The following CHMP6 variants were observed in gnomAD, a reference collection of about 807,000 sequenced individuals.
CHMP6 encodes chromatin-modifying protein 6.
A neutral mutation model predicts 32.8 loss-of-function variants in CHMP6; 10 were observed. The observed-to-expected ratio is 0.30, with a 90% CI of 0.19 to 0.52. The LOEUF is 0.52. Among genes scored for constraint, CHMP6 ranks in the 20% least tolerant of loss-of-function variants. The pLI is 0.97. For synonymous variants in CHMP6, 123 were observed against 105.8 expected (o/e 1.16, Z -1.00); for missense variants, 269 against 263.8 (o/e 1.02, Z -0.14).
rs111744369 is a variant in CHMP6 at position 80,995,632 on chromosome 17, G to A, written c.262-40G>A. 1.5e-4 allele frequency: 239 copies of A among 1,591,932 alleles called. No individual in the cohort carries two copies. The African/African-American group carries it at 1.7e-3, about 11-fold the overall frequency. Reference sequence around the variant, plus strand: ...CCCAGGGCCGGGAGGAGGGCACCCCGGATCCTCAGCACCTGCGTCTGCTCT... The same window carrying A: ...CCCAGGGCCGGGAGGAGGGCACCCCAGATCCTCAGCACCTGCGTCTGCTCT... On this transcript the variant is annotated intron_variant, in intron 3 of 7. Transcript: ENST00000325167.
chr17:80,994,702 C>T lies in CHMP6; in HGVS notation c.173+12C>T, dbSNP rs761750357. 21 of 1,548,670 alleles carry T rather than the reference C, an allele frequency of 1.4e-5. No homozygotes were observed. In the South Asian group the frequency reaches 2.4e-4, roughly 18 times the overall value. The stretch of plus-strand genomic sequence containing the variant: ...GACGGCAGGAAGGAGTGAGTGGGGC[C>T]CGGGCAGCGTGGGCACCCTGTCGGC... On this transcript the variant is annotated intron_variant, in intron 2 of 7. Transcript: ENST00000325167.
chr17:80,994,952 C>A, intron 2 of CHMP6, 67 bp from the exon 3 acceptor site: 3 of 1,327,442 alleles, frequency 2.3e-6, no homozygotes, highest in Non-Finnish European at 3.1e-6. Flanking sequence ...AGCGTGGGCA[C>A]CCTGTCGGCT....
At chr17:80,992,709 AAGTT>A (rs1355730515) in intron 1 of CHMP6, among the ~76,000 whole-genome samples, 3 of 152,156 alleles carry the variant, frequency 2.0e-5, no homozygotes, top group African/African-American at 7.2e-5. Flanking sequence ...TCCCATGTGA[AAGTT>A]AGCTTCTGTA....
intron 4 of CHMP6, among the ~76,000 whole-genome samples, 193 bp from the exon 5 acceptor site, chr17:80,996,814 T>C (rs1364868273): frequency 1.3e-5 from 2 of 152,142 alleles, no homozygotes; most frequent in Non-Finnish European, 2.9e-5. Context: ...TGTGGTGGCA[T>C]GCACCTGTAG....
In CHMP6 at chr17:80,999,131, C is replaced by A; in HGVS notation, c.584C>A (p.Ala195Glu). 1 of 1,614,046 alleles carries A rather than the reference C, an allele frequency of 6.2e-7. No homozygotes were observed. The highest frequency in any genetic ancestry group is 1.1e-5 in the South Asian group (1 of 91,086). Reference protein sequence around the residue: ...NVPVKARPRQAELVAAS With the variant: ...NVPVKARPRQEELVAAS The stretch of plus-strand genomic sequence containing the variant: ...CCTGTCAAGGCCAGGCCCAGGCAGG[C>A]GGAGCTGGTGGCAGCTTCGTAACGT... Residue 195 changes from alanine (A) to glutamate (E), a missense_variant, in exon 8 of 8, where the codon GCG becomes GAG. Coordinates refer to ENST00000325167, the MANE Select transcript of CHMP6 (RefSeq NM_024591.5).
chr17:80,992,212 C>T (rs573825706), intron 1 of CHMP6, among the ~76,000 whole-genome samples: 1 of 151,566 alleles, frequency 6.6e-6, no homozygotes, highest in African/African-American at 2.4e-5. Context: ...TTCCCCGGGG[C>T]CCGCGCGTCC....
intron 5 of CHMP6, 68 bp downstream of exon 5, chr17:80,997,140 C>G: frequency 6.2e-7 from 1 of 1,604,682 alleles, no homozygotes; most frequent in Non-Finnish European, 8.5e-7. Context: ...GAGGGCCAAA[C>G]TGTCCCACAT....
intron 6 of CHMP6, among the ~76,000 whole-genome samples, chr17:80,997,998 G>A (rs1269027529): frequency 1.3e-5 from 2 of 152,236 alleles, no homozygotes; most frequent in Non-Finnish European, 2.9e-5. Context: ...GGACAGCGTT[G>A]TACCGCAGCC....
At chr17:80,994,970 G>A (rs2069624469) in intron 2 of CHMP6, 49 bp from the exon 3 acceptor site, 1 of 1,516,152 alleles carries the variant, frequency 6.6e-7, no homozygotes, top group Non-Finnish European at 8.9e-7. Flanking sequence ...GCTGGGGTGG[G>A]GGGCCCAGGC....
intron 1 of CHMP6, 136 bp downstream of exon 1, chr17:80,992,117 G>A: frequency 1.9e-6 from 1 of 530,698 alleles, no homozygotes; most frequent in Non-Finnish European, 2.8e-6. Context: ...CGCGCAGCCG[G>A]GCCCCTCGGT....
At chr17:80,992,124 C>G (rs1229023080) in intron 1 of CHMP6, 143 bp downstream of exon 1, 1 of 486,664 alleles carries the variant, frequency 2.1e-6, no homozygotes, top group South Asian at 9.9e-5. Flanking sequence ...CCGGGCCCCT[C>G]GGTCTCTCCG....
At chr17:80,998,493 C>G (rs374559574) in intron 7 of CHMP6, 73 bp downstream of exon 7, 31 of 1,611,528 alleles carry the variant, frequency 1.9e-5, no homozygotes, top group Admixed American at 8.3e-5. Context: ...GGGAACAAGA[C>G]AGAATGCTCC....
At chr17:80,995,540 C>A in intron 3 of CHMP6, 132 bp from the exon 4 acceptor site, 1 of 700,372 alleles carries the variant, frequency 1.4e-6, no homozygotes, top group Non-Finnish European at 2.5e-6. Context: ...CAGGGAGGAG[C>A]AGGTGTCAGG....
At chr17:80,995,205 TCCTC>T in intron 3 of CHMP6, 99 bp downstream of exon 3, 1 of 1,178,804 alleles carries the variant, frequency 8.5e-7, no homozygotes, top group Non-Finnish European at 1.2e-6. Flanking sequence ...AGCTGAAAGC[TCCTC>T]TCAGATGCCT....
intron 1 of CHMP6, among the ~76,000 whole-genome samples, chr17:80,993,505 C>G (rs565359767): frequency 3.9e-5 from 6 of 152,350 alleles, no homozygotes; most frequent in African/African-American, 1.4e-4. Context: ...AATGAGCCCT[C>G]TCAGGTAGAG....
In CHMP6 at chr17:80,993,390, C is replaced by A. The variant is rs557122714; in HGVS notation, c.64-1191C>A. On this transcript the variant is annotated intron_variant, in intron 1 of 7. Coordinates refer to ENST00000325167, the MANE Select transcript of CHMP6 (RefSeq NM_024591.5). ...CTGCCTGCCTTTGGCCCCTGGGTCT[C>A]CCCAGCAGTGGGGCTGGGCAGGGGG... Among the ~76,000 whole-genome samples, 5 of 152,294 alleles carry A rather than the reference C, an allele frequency of 3.3e-5. No homozygotes were observed. In the South Asian group the frequency reaches 1.0e-3, roughly 32 times the overall value.
intron 7 of CHMP6, 99 bp from the exon 8 acceptor site, chr17:80,998,999 C>G (rs911746796): frequency 7.0e-7 from 1 of 1,427,482 alleles, no homozygotes; most frequent in African/African-American, 1.4e-5. Context: ...TGCGAAGTCC[C>G]CGGAACTGGC....
chr17:80,993,590 G>A (rs940575749), intron 1 of CHMP6, among the ~76,000 whole-genome samples: 4 of 152,240 alleles, frequency 2.6e-5, no homozygotes, highest in African/African-American at 9.6e-5. Context: ...TCAGCCTCCT[G>A]CCTTAAGGCC....
intron 1 of CHMP6, among the ~76,000 whole-genome samples, chr17:80,993,892 C>T (rs1393941350): frequency 1.3e-5 from 2 of 152,120 alleles, no homozygotes; most frequent in East Asian, 1.9e-4. Context: ...CTTGGGTACT[C>T]GCCACCTGCA....
Sources: allele counts gnomAD v4.1 joint callset (sites outside exome capture counted in the v4.1 genomes callset), GRCh38; gene constraint gnomAD v4.1.1; transcripts MANE v1.5; gene names NCBI Gene and HGNC (gene_info 2026-07-23, HGNC 2026-07-21).